Variants in SUGCT observed in about 807,000 individuals in gnomAD.
The protein encoded by SUGCT is succinyl-CoA:glutarate CoA-transferase.
A neutral mutation model predicts 55.0 loss-of-function variants in SUGCT; 41 were observed. That is an observed-to-expected ratio of 0.74 (90% CI 0.58 to 0.97). The LOEUF is 0.97. SUGCT is among the 50% of genes least tolerant of loss of function. The probability of loss-of-function intolerance (pLI) is 0.00; values close to 1 mark genes in which losing one functional copy is unlikely to be tolerated. For synonymous variants in SUGCT, 187 were observed against 200.4 expected (o/e 0.93, Z 0.56); for missense variants, 568 against 547.8 (o/e 1.04, Z -0.37).
At chr7:40,185,995 T>C (rs1159947783) in intron 3 of SUGCT, among the ~76,000 whole-genome samples, 1 of 152,122 alleles carries the variant, frequency 6.6e-6, no homozygotes, top group African/African-American at 2.4e-5. Flanking sequence ...ATTTTCACAT[T>C]TCAATAGAAA....
chr7:40,496,423 G>A (rs767473365), intron 12 of SUGCT, 37 bp downstream of exon 12: 21 of 1,394,652 alleles, frequency 1.5e-5, no homozygotes, highest in Non-Finnish European at 2.0e-5. Context: ...TCTGTTTTCT[G>A]TCCAGATTGA....
intron 7 of SUGCT, among the ~76,000 whole-genome samples, chr7:40,243,011 A>G (rs1789564623): frequency 7.8e-6 from 1 of 128,452 alleles, no homozygotes; most frequent in Admixed American, 9.4e-5. Flanking sequence ...CATGGCTCAC[A>G]GCAGCCTCAA....
chr7:40,399,649 G>A (rs180731724), intron 9 of SUGCT, among the ~76,000 whole-genome samples: 594 of 152,248 alleles, frequency 3.9e-3, no homozygotes, highest in Non-Finnish European at 5.8e-3. Flanking sequence ...TCATGTGTCC[G>A]TCTCCAAACA....
the SUGCT span, among the ~76,000 whole-genome samples, chr7:40,950,885 C>T: frequency 2.3e-3 from 343 of 152,136 alleles, 3 homozygotes; most frequent in African/African-American, 7.7e-3. Context: ...ATTTTTGCAT[C>T]GATGTTCATC....
In SUGCT at chr7:40,296,612, CGTGTGT is replaced by C. The variant is rs10528858; in HGVS notation, c.721-20111_721-20106del. On this transcript the variant is annotated intron_variant, in intron 8 of 13. Transcript: ENST00000335693. ...AGGGAGAGAGACAGAGTGAGTGACT[CGTGTGT>C]GTGTGTGTGTGTGTGTGTGTGTGTG... 1.8e-3 allele frequency among the ~76,000 whole-genome samples: 262 copies of C among 144,818 alleles called. 2 individuals are homozygous for C. The highest frequency in any genetic ancestry group is 5.9e-3 in the African/African-American group (228 of 38,594).
chr7:40,821,679 C>T (rs12531846), intron 13 of SUGCT, among the ~76,000 whole-genome samples: 3,281 of 152,062 alleles, frequency 0.022, 161 homozygotes, highest in East Asian at 0.097. Flanking sequence ...GTCTTGCTAG[C>T]GGTCTGTCAA....
the SUGCT span, among the ~76,000 whole-genome samples, chr7:41,018,580 G>A: frequency 6.6e-6 from 1 of 152,192 alleles, no homozygotes; most frequent in Non-Finnish European, 1.5e-5. Context: ...TTGCGACTGT[G>A]TTTGTCTTTC....
chr7:40,958,198 A>T, the SUGCT span, among the ~76,000 whole-genome samples: 1 of 151,840 alleles, frequency 6.6e-6, no homozygotes, highest in African/African-American at 2.4e-5. Context: ...CTGAATTTGA[A>T]TGTTGGCCTG....
the SUGCT span, among the ~76,000 whole-genome samples, chr7:40,866,000 G>A: frequency 6.6e-6 from 1 of 152,074 alleles, no homozygotes; most frequent in Admixed American, 6.6e-5. Flanking sequence ...ACTCCAGTTA[G>A]TTTCTTTGGC....
chr7:40,804,999 T>G (rs745680301), intron 13 of SUGCT, among the ~76,000 whole-genome samples: 3 of 152,190 alleles, frequency 2.0e-5, no homozygotes, highest in African/African-American at 4.8e-5. Flanking sequence ...TTTACTGTAC[T>G]TATTCTGGAT....
chr7:41,025,196 T>A, the SUGCT span, among the ~76,000 whole-genome samples: 2 of 152,218 alleles, frequency 1.3e-5, no homozygotes, highest in Admixed American at 1.3e-4. Context: ...GAAGGGATTA[T>A]ATGGGGACAT....
At chr7:40,703,468 A>G (rs559654166) in intron 12 of SUGCT, among the ~76,000 whole-genome samples, 1 of 152,212 alleles carries the variant, frequency 6.6e-6, no homozygotes, top group Non-Finnish European at 1.5e-5. Context: ...ACCTCTCTAT[A>G]TATACATACT....
rs2151110205 is a variant in SUGCT at position 40,316,683 on chromosome 7, T to C, written c.721-77T>C. 9.7e-6 allele frequency: 9 copies of C among 930,846 alleles called. No individual in the cohort carries two copies. In the Middle Eastern group the frequency reaches 6.7e-4, roughly 69 times the overall value. The allele number at this position is 930,846 out of a possible 1,614,324, so 57.7% of individuals were successfully genotyped here. ...ACAATGAGATGAAGTGAAATTACTT[T>C]CATAATATAACGTTCTCTTTATGAG... On this transcript the variant is annotated intron_variant, in intron 8 of 13. Transcript: ENST00000335693.
intron 11 of SUGCT, among the ~76,000 whole-genome samples, chr7:40,482,612 C>T (rs532859463): frequency 1.2e-4 from 19 of 152,240 alleles, no homozygotes; most frequent in African/African-American, 4.3e-4. Context: ...TGTGACCAGA[C>T]GTCGGTAATG....
intron 13 of SUGCT, among the ~76,000 whole-genome samples, chr7:40,785,387 A>G (rs570924772): frequency 2.6e-5 from 4 of 152,344 alleles, no homozygotes; most frequent in African/African-American, 9.6e-5. Context: ...AGTATGTCTC[A>G]TAAGTCCTAT....
the SUGCT span, among the ~76,000 whole-genome samples, chr7:40,886,275 T>C: frequency 6.6e-6 from 1 of 152,182 alleles, no homozygotes; most frequent in Non-Finnish European, 1.5e-5. Flanking sequence ...GTAGGTACTA[T>C]GTTAGATAAG....
At chr7:40,519,127 C>A (rs1328867117) in intron 12 of SUGCT, among the ~76,000 whole-genome samples, 1 of 151,946 alleles carries the variant, frequency 6.6e-6, no homozygotes, top group East Asian at 1.9e-4. Flanking sequence ...TCAATCTAAT[C>A]GTGAGAAAAC....
At chr7:40,717,599 T>A (rs1257759061) in intron 12 of SUGCT, among the ~76,000 whole-genome samples, 1 of 152,216 alleles carries the variant, frequency 6.6e-6, no homozygotes, top group Non-Finnish European at 1.5e-5. Context: ...TTTTTATCTG[T>A]GTAGGCATTT....
intron 12 of SUGCT, among the ~76,000 whole-genome samples, chr7:40,520,498 T>C (rs1793473651): frequency 1.3e-5 from 2 of 152,130 alleles, no homozygotes; most frequent in Non-Finnish European, 2.9e-5. Context: ...ATGAAAGAAC[T>C]CTGTTAATGT....
Sources: allele counts gnomAD v4.1 joint callset (sites outside exome capture counted in the v4.1 genomes callset), GRCh38; gene constraint gnomAD v4.1.1; transcripts MANE v1.5; gene names NCBI Gene and HGNC (gene_info 2026-07-23, HGNC 2026-07-21).